Variants in SUMF2 observed in about 807,000 individuals in gnomAD.
SUMF2 encodes sulfatase modifying factor 2, also known as inactive C-alpha-formylglycine-generating enzyme 2.
A neutral mutation model predicts 44.8 loss-of-function variants in SUMF2; 45 were observed. That is an observed-to-expected ratio of 1.00 (90% CI 0.79 to 1.29). The LOEUF (loss-of-function observed/expected upper bound fraction) is 1.29. Ranked by LOEUF, SUMF2 falls within the 50% of genes most tolerant of loss-of-function variation. The pLI, the probability that SUMF2 is intolerant of heterozygous loss-of-function variation, is 0.00. For missense variants in SUMF2, 418 were observed against 389.9 expected (o/e 1.07, Z -0.61); for synonymous variants, 148 against 150.4 (o/e 0.98, Z 0.12).
the SUMF2 span, among the ~76,000 whole-genome samples, chr7:56,086,064 C>G: frequency 6.6e-6 from 1 of 151,642 alleles, no homozygotes; most frequent in Non-Finnish European, 1.5e-5. Flanking sequence ...CCTGCAGGAC[C>G]TGGTCTTTGG....
chr7:56,065,172 G>A (rs1184403733), intron 1 of SUMF2, among the ~76,000 whole-genome samples: 1 of 133,770 alleles, frequency 7.5e-6, no homozygotes, highest in South Asian at 2.4e-4. Context: ...CAGCCTGGGC[G>A]ACAGCGAGAC....
rs1002721128 is a variant in SUMF2 at position 56,068,038 on chromosome 7, T to A, written c.68-444T>A. Among the ~76,000 whole-genome samples, 6 of 144,320 alleles carry A rather than the reference T, an allele frequency of 4.2e-5. No individual in the cohort carries two copies. In the South Asian group the frequency reaches 1.1e-3, roughly 27 times the overall value. 94.7% of individuals were successfully genotyped at this position (144,320 alleles called of 152,430 possible). A position where few individuals can be genotyped will look rare whatever the true frequency, so the allele number is the denominator to read the frequency against. ...AATTTTCTTTTTTTCTTTCTTTTTT[T>A]TTTTTTTTTTTTTTGAGACAGAGTC... On this transcript the variant is annotated intron_variant, in intron 1 of 8. Coordinates refer to ENST00000434526, the MANE Select transcript of SUMF2 (RefSeq NM_015411.4).
chr7:56,087,809 G>T, the SUMF2 span: 1 of 1,583,074 alleles, frequency 6.3e-7, no homozygotes. Flanking sequence ...GCCTCGGGGG[G>T]CCCCTCACCC....
intron 3 of SUMF2, 96 bp from the exon 4 acceptor site, chr7:56,074,062 TAGACCACCTGAGTCTC>T: frequency 1.3e-6 from 1 of 747,018 alleles, no homozygotes; most frequent in Middle Eastern, 3.2e-4. Context: ...CAACCTCACT[TAGACCACCTGAGTCTC>T]AGCCTGACGT....
At chr7:56,075,698 CAAA>C (rs749604404) in intron 5 of SUMF2, among the ~76,000 whole-genome samples, 4 of 99,024 alleles carry the variant, frequency 4.0e-5, no homozygotes, top group African/African-American at 3.7e-5. Flanking sequence ...GACTCCGTCT[CAAA>C]AAAAAAAAAA....
rs529975935 is a variant in SUMF2, at chr7:56,079,597, G to A, written c.891G>A (p.Pro297=). 33 of 1,614,204 alleles carry A rather than the reference G, an allele frequency of 2.0e-5. No individual in the cohort carries two copies. Among genetic ancestry groups the A allele is most frequent in the Middle Eastern group, 3.3e-4 (2 of 6,060 alleles). ...GFRCAADAGR[P]PGEL ...GCTGTGCTGCAGACGCAGGCCGGCC[G>A]CCAGGGGAGCTGTAAGCAGCCGGGT... The change falls in exon 9 of 9, where the codon CCG becomes CCA. Residue 297 remains proline, a synonymous_variant. Transcript: ENST00000434526.
At chr7:56,082,865 T>C (rs976258535), downstream of SUMF2, among the ~76,000 whole-genome samples, 2 of 151,984 alleles carry the variant, frequency 1.3e-5, no homozygotes, top group African/African-American at 4.8e-5. Flanking sequence ...CACAGCACTT[T>C]GGGAGGCCGA....
chr7:56,079,417 C>T (rs750311958), intron 8 of SUMF2, 111 bp from the exon 9 acceptor site: 33 of 1,087,924 alleles, frequency 3.0e-5, no homozygotes, highest in Non-Finnish European at 4.1e-5. Context: ...TCTCCCCAGC[C>T]CTCATGCTCC....
rs763209777 is a variant in SUMF2, at chr7:56,079,503, CCTCT to C, written c.822-21_822-18del. 3 of 1,602,122 alleles carry C rather than the reference CCTCT, an allele frequency of 1.9e-6. No homozygotes were observed. In the South Asian group the frequency reaches 3.3e-5, roughly 18 times the overall value. ...GGCCTTTTTCTCAGGACGTGTCTGT[CCTCT>C]CTCCCCTTCTCTGCTGGCAGGATGG... On this transcript the variant is annotated intron_variant, in intron 8 of 8. Transcript: ENST00000434526.
intron 6 of SUMF2, among the ~76,000 whole-genome samples, chr7:56,077,696 A>T: frequency 6.7e-6 from 1 of 149,856 alleles, no homozygotes; most frequent in East Asian, 1.9e-4. Context: ...TAAGCAAATA[A>T]AAAAGCACTG....
At chr7:56,082,033 C>G (rs141344297), downstream of SUMF2, 2 of 1,612,994 alleles carry the variant, frequency 1.2e-6, no homozygotes, top group East Asian at 4.5e-5. Context: ...TACATGATGA[C>G]GCCAGTGCTC....
At chr7:56,083,543 A>C (rs573658136), downstream of SUMF2, 41 of 1,519,222 alleles carry the variant, frequency 2.7e-5, no homozygotes, top group African/African-American at 4.9e-4. Context: ...GGAGCAGCAC[A>C]CACGCCCAGC....
intron 6 of SUMF2, among the ~76,000 whole-genome samples, chr7:56,077,851 G>T (rs1471641678): frequency 6.6e-6 from 1 of 151,908 alleles, no homozygotes; most frequent in African/African-American, 2.4e-5. Flanking sequence ...GAGAAGTCAG[G>T]TGTGGGCTGG....
At chr7:56,068,827 C>T (rs1794984078) in intron 2 of SUMF2, among the ~76,000 whole-genome samples, 189 bp downstream of exon 2, 3 of 151,758 alleles carry the variant, frequency 2.0e-5, no homozygotes, top group Non-Finnish European at 2.9e-5. Context: ...CTTCGCCTGC[C>T]GAGCAGCTGG....
chr7:56,087,331 C>G, the SUMF2 span, among the ~76,000 whole-genome samples: 1 of 151,822 alleles, frequency 6.6e-6, no homozygotes, highest in African/African-American at 2.4e-5. Flanking sequence ...GAGTGATGCT[C>G]CTGCTTCAGC....
At chr7:56,081,274 G>A (rs781116962), downstream of SUMF2, 2 of 1,611,696 alleles carry the variant, frequency 1.2e-6, no homozygotes, top group Admixed American at 3.3e-5. The surrounding 1 kb of genome is among the most constrained non-coding windows in gnomAD (Gnocchi z 4.6). Flanking sequence ...GATCCGCACT[G>A]AAGCCAGCAC....
At chr7:56,081,786 G>A (rs1796009048), downstream of SUMF2, 2 of 1,609,804 alleles carry the variant, frequency 1.2e-6, no homozygotes, top group Non-Finnish European at 1.7e-6. This position sits in a 1 kb window ranked among gnomAD's most constrained non-coding sequence, Gnocchi z 4.6. Flanking sequence ...AACCGAGAAT[G>A]TCAAGGCAGG....
downstream of SUMF2, chr7:56,081,705 C>G (rs758414312): frequency 3.7e-6 from 6 of 1,613,874 alleles, no homozygotes; most frequent in Admixed American, 6.7e-5. The surrounding 1 kb of genome is among the most constrained non-coding windows in gnomAD (Gnocchi z 4.6). Flanking sequence ...GTGCCAAGGC[C>G]TCTTCCGCTG....
chr7:56,081,352 G>A (rs1795977228), downstream of SUMF2: 1 of 1,556,010 alleles, frequency 6.4e-7, no homozygotes, highest in Non-Finnish European at 8.6e-7. The surrounding 1 kb of genome is among the most constrained non-coding windows in gnomAD (Gnocchi z 4.6). Context: ...GCCAGGCCCT[G>A]CCCCTCCAGC....
Sources: gnomAD v4.1 joint callset for allele counts (sites outside exome capture counted in the v4.1 genomes callset) on GRCh38, gnomAD v4.1.1 for gene constraint, Gnocchi (gnomAD v3.1) non-coding constraint, MANE v1.5 for transcripts, NCBI Gene and HGNC (gene_info 2026-07-23, HGNC 2026-07-21) for gene names.